Variants in STOX2 observed in about 807,000 individuals in gnomAD.
STOX2 encodes storkhead-box protein 2.
A neutral mutation model predicts 60.9 loss-of-function variants in STOX2; 28 were observed. The observed-to-expected ratio is 0.46, with a 90% CI of 0.34 to 0.63. STOX2 has a LOEUF of 0.63. STOX2 is among the 30% of genes least tolerant of loss of function. The probability of loss-of-function intolerance (pLI) is 0.01; values close to 1 mark genes in which losing one functional copy is unlikely to be tolerated. For synonymous variants in STOX2, 472 were observed against 463.9 expected, an observed-to-expected ratio of 1.02 and a Z score of -0.22; for missense variants, 1,024 against 1,187.7, an observed-to-expected ratio of 0.86 and a Z score of 2.03.
intron 1 of STOX2, among the ~76,000 whole-genome samples, chr4:183,967,314 C>T (rs535624549): frequency 2.0e-5 from 3 of 150,012 alleles, no homozygotes; most frequent in African/African-American, 2.5e-5. Flanking sequence ...TGCAGTGAGC[C>T]GAGATTGTGC....
intron 1 of STOX2, among the ~76,000 whole-genome samples, chr4:183,996,296 A>C (rs563691534): frequency 1.6e-4 from 24 of 152,330 alleles, no homozygotes; most frequent in African/African-American, 5.5e-4. Context: ...GTTTAGAAAG[A>C]ATTTTTTAGC....
chr4:183,826,920 G>T (rs116033079), intron 1 of STOX2, among the ~76,000 whole-genome samples: 1 of 152,184 alleles, frequency 6.6e-6, no homozygotes, highest in African/African-American at 2.4e-5. Flanking sequence ...TAGCGGTAAT[G>T]GTAATAATAG....
At chr4:183,954,091 T>G (rs570729339) in intron 1 of STOX2, among the ~76,000 whole-genome samples, 1 of 152,286 alleles carries the variant, frequency 6.6e-6, no homozygotes, top group African/African-American at 2.4e-5. Flanking sequence ...CTTTAGTCCT[T>G]GATAAAAACT....
At position 184,009,582 on chromosome 4, in the gene STOX2, T is replaced by C. The variant is rs1734048333; in HGVS notation, c.744T>C (p.Tyr248=). The change falls in exon 3 of 4, where the codon TAT becomes TAC. Residue 248 remains tyrosine (Y), a synonymous_variant. Coordinates refer to ENST00000308497, the MANE Select transcript of STOX2 (RefSeq NM_020225.3). The surrounding 1 kb of genome is among the most constrained non-coding windows in gnomAD (Gnocchi z 4.0). Reference sequence around the variant, plus strand: ...GCAAAAGTACTGTAAATTTTTCCTATAAGACAGAAACTCTCTCAAAACCTA... The same window carrying C: ...GCAAAAGTACTGTAAATTTTTCCTACAAGACAGAAACTCTCTCAAAACCTA... ...EKSKSTVNFS[Y]KTETLSKPKD... 1 of 1,613,730 alleles carries C rather than the reference T, an allele frequency of 6.2e-7. No homozygotes were observed. The highest frequency in any genetic ancestry group is 1.3e-5 in the African/African-American group (1 of 74,910).
At chr4:183,942,839 T>G (rs534197420) in intron 1 of STOX2, among the ~76,000 whole-genome samples, 1 of 152,338 alleles carries the variant, frequency 6.6e-6, no homozygotes, top group South Asian at 2.1e-4. Flanking sequence ...TTCTTACGGC[T>G]CTGAAATAAG....
rs142420053 is a variant in STOX2, at chr4:183,858,225, G to T, written c.364+60170G>T. On this transcript the variant is annotated intron_variant, in intron 1 of 2. Coordinates refer to the STOX2 transcript ENST00000513034. ...ACCTATCCACACTTCAGACAAAGCA[G>T]CTCCACAGGGAAACCCACAATCTGT... 2.1e-4 allele frequency among the ~76,000 whole-genome samples: 32 copies of T among 152,324 alleles called. No homozygotes were observed. In the East Asian group the frequency reaches 5.8e-3, roughly 28 times the overall value.
rs552190795 is a variant in STOX2, at chr4:183,815,189, G to C, written c.364+17134G>C. On this transcript the variant is annotated intron_variant, in intron 1 of 2. Coordinates refer to the STOX2 transcript ENST00000513034. ...TTTTTTTTATTTTAATAGAGAAGGA[G>C]TCTTGCTATATTGCCAGGCTGGTCT... is the stretch of plus-strand genomic sequence containing the variant. Among the ~76,000 whole-genome samples the C allele has an allele frequency of 2.0e-5, 3 of 151,640 alleles. No homozygotes were observed. The East Asian group carries it at 5.8e-4, about 29-fold the overall frequency.
intron 2 of STOX2, among the ~76,000 whole-genome samples, chr4:184,007,772 T>G (rs1298264328): frequency 2.0e-5 from 3 of 152,218 alleles, no homozygotes; most frequent in African/African-American, 7.2e-5. Flanking sequence ...ACCTTCTGTG[T>G]GTCTCCTCAC....
chr4:183,891,353 G>T (rs1248263220), intron 1 of STOX2, among the ~76,000 whole-genome samples: 1 of 71,362 alleles, frequency 1.4e-5, no homozygotes, highest in Non-Finnish European at 2.8e-5. Flanking sequence ...TATATATGAT[G>T]GAATTTATAT....
chr4:183,834,146 A>G (rs973225773), intron 1 of STOX2, among the ~76,000 whole-genome samples: 1 of 152,152 alleles, frequency 6.6e-6, no homozygotes, highest in Non-Finnish European at 1.5e-5. Flanking sequence ...CTTGCTTCCC[A>G]GGAGAGGAGC....
chr4:183,959,925 T>C (rs1345270863), intron 1 of STOX2, among the ~76,000 whole-genome samples: 6 of 152,190 alleles, frequency 3.9e-5, no homozygotes, highest in Non-Finnish European at 7.3e-5. Flanking sequence ...CAATTTGCTT[T>C]TCCCAGCATT....
chr4:183,808,699 A>C (rs1461444035), intron 1 of STOX2, among the ~76,000 whole-genome samples: 1 of 152,132 alleles, frequency 6.6e-6, no homozygotes, highest in African/African-American at 2.4e-5. Flanking sequence ...TCTTTGTTTC[A>C]TTTTTACCTG....
chr4:183,849,972 T>C (rs1336738106), intron 1 of STOX2, among the ~76,000 whole-genome samples: 6 of 150,686 alleles, frequency 4.0e-5, no homozygotes, highest in African/African-American at 1.2e-4. Flanking sequence ...TCTTTCTTTC[T>C]TTTTTTTTGA....
At chr4:183,839,000 C>T (rs1739782071) in intron 1 of STOX2, among the ~76,000 whole-genome samples, 1 of 152,036 alleles carries the variant, frequency 6.6e-6, no homozygotes, top group Admixed American at 6.5e-5. Context: ...TACACACACA[C>T]AGGTACACGT....
intron 1 of STOX2, among the ~76,000 whole-genome samples, chr4:183,823,167 G>A (rs1739341973): frequency 1.3e-5 from 2 of 152,202 alleles, no homozygotes; most frequent in Admixed American, 6.5e-5. Context: ...AGGCCAAGGT[G>A]GGTGGATCAC....
chr4:183,888,030 A>C (rs1046822543), intron 1 of STOX2, among the ~76,000 whole-genome samples: 1 of 152,210 alleles, frequency 6.6e-6, no homozygotes, highest in Non-Finnish European at 1.5e-5. Context: ...TTGGGATTAC[A>C]GGTGTGAGCC....
intron 1 of STOX2, among the ~76,000 whole-genome samples, chr4:183,934,163 C>T (rs1438402292): frequency 1.4e-5 from 2 of 147,656 alleles, no homozygotes; most frequent in East Asian, 4.0e-4. Context: ...ATTAGCCGGG[C>T]ATGGTGGCAG....
rs764716333 is a variant in STOX2, at chr4:184,017,072, C to T, written c.2586-17C>T. The T allele has an allele frequency of 1.9e-6, 3 of 1,574,284 alleles. No individual in the cohort carries two copies. The highest frequency in any genetic ancestry group is 2.3e-5 in the East Asian group (1 of 44,152). ...ATGTTCCAAACAAAACAAAACAAAC[C>T]CTTTTTGCTCTTTTAGTACTCGGGA... On this transcript the variant is annotated splice_polypyrimidine_tract_variant and intron_variant, in intron 3 of 3. Coordinates refer to ENST00000308497, the MANE Select transcript of STOX2 (RefSeq NM_020225.3).
chr4:183,903,860 G>A (rs1257804457), upstream of STOX2, among the ~76,000 whole-genome samples: 1 of 152,226 alleles, frequency 6.6e-6, no homozygotes, highest in African/African-American at 2.4e-5. Context: ...GGTAGGGTTG[G>A]AGAGCAGAAG....
Sources: allele counts gnomAD v4.1 joint callset (sites outside exome capture counted in the v4.1 genomes callset), GRCh38; gene constraint gnomAD v4.1.1; non-coding constraint Gnocchi (gnomAD v3.1); transcripts MANE v1.5; gene names NCBI Gene and HGNC (gene_info 2026-07-23, HGNC 2026-07-21).